RMST: variants seen among roughly 807,000 people sequenced by gnomAD.
The protein encoded by RMST is long intergenic non-protein coding RNA 54.
chr12:97,483,182 A>G (rs930563716), intron 5 of RMST, among the ~76,000 whole-genome samples: 3 of 152,148 alleles, frequency 2.0e-5, no homozygotes, highest in African/African-American at 7.2e-5. Flanking sequence ...TGCACTAATA[A>G]AGGGCTAAAG....
intron 5 of RMST, among the ~76,000 whole-genome samples, chr12:97,475,705 A>C (rs2136402802): frequency 6.6e-6 from 1 of 152,174 alleles, no homozygotes; most frequent in South Asian, 2.1e-4. Context: ...AGGTTAAAAG[A>C]AAAAAACACC....
intron 5 of RMST, among the ~76,000 whole-genome samples, chr12:97,472,240 G>T (rs931891562): frequency 3.3e-5 from 5 of 152,046 alleles, no homozygotes; most frequent in African/African-American, 1.2e-4. Flanking sequence ...ATTGAGAATG[G>T]TGTAACTTTC....
chr12:97,479,155 T>TTTA, intron 5 of RMST, among the ~76,000 whole-genome samples: 1 of 145,894 alleles, frequency 6.9e-6, no homozygotes, highest in Non-Finnish European at 1.5e-5. Flanking sequence ...TTTTTTTTTT[T>TTTA]TTGAGACAAG....
intron 10 of RMST, among the ~76,000 whole-genome samples, chr12:97,513,254 C>G (rs916899946): frequency 3.3e-5 from 5 of 152,202 alleles, no homozygotes; most frequent in African/African-American, 9.6e-5. Context: ...GAGGAGGTGC[C>G]GAGAGCAAGC....
chr12:97,493,055 A>C (rs1253389930), intron 6 of RMST: 1 of 152,478 alleles, frequency 6.6e-6, no homozygotes, highest in Non-Finnish European at 1.5e-5. Flanking sequence ...AGAAAAAATC[A>C]AGCAAAGTTA....
chr12:97,478,497 G>A (rs1874821230), intron 5 of RMST, among the ~76,000 whole-genome samples: 1 of 152,200 alleles, frequency 6.6e-6, no homozygotes, highest in Non-Finnish European at 1.5e-5. Context: ...AGCCAGGGAA[G>A]TCTCAAAGCT....
chr12:97,474,286 C>T (rs776993287), intron 5 of RMST, among the ~76,000 whole-genome samples: 2 of 152,084 alleles, frequency 1.3e-5, no homozygotes, highest in Non-Finnish European at 2.9e-5. Context: ...GTTCGCCATC[C>T]ACTTGTCTAA....
intron 10 of RMST, among the ~76,000 whole-genome samples, chr12:97,506,681 T>G (rs1018428323): frequency 7.0e-6 from 1 of 142,972 alleles, no homozygotes; most frequent in Non-Finnish European, 1.5e-5. Flanking sequence ...ATCTGTTTTT[T>G]TTTTTTTTTT....
chr12:97,477,152 G>T (rs1565917656), intron 5 of RMST, among the ~76,000 whole-genome samples: 1 of 152,174 alleles, frequency 6.6e-6, no homozygotes, highest in Non-Finnish European at 1.5e-5. Flanking sequence ...ACTAACGAGG[G>T]TTAAGAGACA....
chr12:97,541,893 A>G (rs969224345), intron 11 of RMST, among the ~76,000 whole-genome samples: 2 of 152,044 alleles, frequency 1.3e-5, no homozygotes, highest in South Asian at 4.1e-4. Context: ...CACTATAGGA[A>G]CATAAAACGT....
intron 11 of RMST, among the ~76,000 whole-genome samples, chr12:97,545,169 C>T (rs925616413): frequency 1.3e-5 from 2 of 152,074 alleles, no homozygotes; most frequent in Admixed American, 6.6e-5. Flanking sequence ...CTTTCATATA[C>T]TGCATTATGA....
intron 5 of RMST, among the ~76,000 whole-genome samples, chr12:97,471,588 G>A (rs556526928): frequency 6.6e-6 from 1 of 151,596 alleles, no homozygotes; most frequent in South Asian, 2.1e-4. Context: ...GTAAAATGCA[G>A]AGGATGAGCT....
intron 11 of RMST, among the ~76,000 whole-genome samples, chr12:97,551,171 T>TTAAAAA (rs1229638367): frequency 7.6e-6 from 1 of 132,322 alleles, no homozygotes; most frequent in Non-Finnish European, 1.7e-5. Flanking sequence ...TCATTGTTTT[T>TTAAAAA]AAAAAAAAAA....
intron 10 of RMST, among the ~76,000 whole-genome samples, chr12:97,500,257 A>T (rs7308968): frequency 0.023 from 3,465 of 152,274 alleles, 129 homozygotes; most frequent in African/African-American, 0.079. Flanking sequence ...TTTGAGCCAC[A>T]TCCACAAACT....
intron 11 of RMST, among the ~76,000 whole-genome samples, chr12:97,554,159 G>A (rs192200363): frequency 4.6e-5 from 7 of 151,826 alleles, no homozygotes; most frequent in Admixed American, 2.0e-4. Flanking sequence ...TTGCCATGTT[G>A]GTCATGCTGG....
At chr12:97,513,090 G>GCAGCCCGGGTTC (rs1879577515) in intron 10 of RMST, among the ~76,000 whole-genome samples, 1 of 152,188 alleles carries the variant, frequency 6.6e-6, no homozygotes, top group African/African-American at 2.4e-5. Context: ...CAAGCACCGC[G>GCAGCCCGGGTTC]CGCAGCCCGG....
intron 11 of RMST, among the ~76,000 whole-genome samples, chr12:97,547,001 T>A (rs958199086): frequency 6.6e-6 from 1 of 151,912 alleles, no homozygotes; most frequent in African/African-American, 2.4e-5. Flanking sequence ...TATCTTTCTA[T>A]GAGTTAAACT....
chr12:97,469,170 GTGTGTGTGTGTATGTGTGTA>G (rs1481149751), intron 5 of RMST, among the ~76,000 whole-genome samples: 12 of 145,996 alleles, frequency 8.2e-5, no homozygotes, highest in African/African-American at 3.2e-4. Context: ...GTGTGTGTGT[GTGTGTGTGTGTATGTGTGTA>G]TATATATACA....
chr12:97,498,627 G>A (rs1446919061), intron 10 of RMST, among the ~76,000 whole-genome samples: 1 of 152,092 alleles, frequency 6.6e-6, no homozygotes. Context: ...AAAATTACCT[G>A]ATAAAAATAT....
Sources: allele counts gnomAD v4.1 joint callset (sites outside exome capture counted in the v4.1 genomes callset), GRCh38; gene constraint gnomAD v4.1.1; transcripts MANE v1.5; gene names NCBI Gene and HGNC (gene_info 2026-07-23, HGNC 2026-07-21).